The following TXNL4A variants were observed in gnomAD, a reference collection of about 807,000 sequenced individuals.
TXNL4A encodes the protein thioredoxin-like protein 4A.
TXNL4A carries 17 observed loss-of-function variants against 14.6 expected under a neutral mutation model. The observed-to-expected ratio is 1.16, with a 90% confidence interval of 0.80 to 1.74. The LOEUF is 1.74. Ranked by LOEUF, TXNL4A falls within the 40% of genes most tolerant of loss-of-function variation. The pLI is 0.00. For missense variants in TXNL4A, 74 were observed against 195.2 expected (o/e 0.38, Z 3.70); for synonymous variants, 83 against 70.6 (o/e 1.18, Z -0.88).
At chr18:80,004,397 C>T (rs1418122474) in intron 1 of TXNL4A, among the ~76,000 whole-genome samples, 1 of 152,194 alleles carries the variant, frequency 6.6e-6, no homozygotes, top group East Asian at 1.9e-4. Context: ...CCTCTCCCAC[C>T]TTACCTGTGG....
chr18:80,014,674 T>G (rs1265369776), intron 1 of TXNL4A, among the ~76,000 whole-genome samples: 1 of 152,130 alleles, frequency 6.6e-6, no homozygotes, highest in African/African-American at 2.4e-5. Context: ...GTGCAAACTG[T>G]CAGTGGATCT....
At position 80,027,980 on chromosome 18, in the gene TXNL4A, T is replaced by C. The variant is rs547304502; in HGVS notation, c.-61+5871A>G. 3.9e-5 allele frequency among the ~76,000 whole-genome samples: 6 copies of C among 152,306 alleles called. No homozygotes were observed. The South Asian group carries it at 1.0e-3, about 26-fold the overall frequency. ...TATGACTCAAACTCTGTAGGCATAC[T>C]TAAAAAATGAACAAACTGATCCCAT... On this transcript the variant is annotated intron_variant, in intron 1 of 2. Coordinates refer to the TXNL4A transcript ENST00000585474.
chr18:79,973,921 C>A, intron 2 of TXNL4A, 65 bp from the exon 3 acceptor site: 1 of 1,580,266 alleles, frequency 6.3e-7, no homozygotes, highest in Non-Finnish European at 8.6e-7. Context: ...TCCTTGAAAA[C>A]AATGCCGTAT....
At chr18:79,998,251 C>T (rs2051675651) in intron 1 of TXNL4A, among the ~76,000 whole-genome samples, 2 of 151,902 alleles carry the variant, frequency 1.3e-5, no homozygotes, top group Admixed American at 1.3e-4. Flanking sequence ...CGAGATTGCA[C>T]CACTGCACTC....
intron 2 of TXNL4A, 54 bp downstream of exon 2, chr18:79,977,544 T>C: frequency 7.2e-7 from 1 of 1,392,524 alleles, no homozygotes; most frequent in Non-Finnish European, 1.0e-6. Flanking sequence ...TTGATTACAT[T>C]AAGCTTCCAA....
chr18:80,028,843 T>C (rs1335816911), intron 1 of TXNL4A, among the ~76,000 whole-genome samples: 2 of 152,174 alleles, frequency 1.3e-5, no homozygotes, highest in Admixed American at 6.5e-5. Flanking sequence ...CCATAAAAAA[T>C]GTACAACATG....
At chr18:79,975,300 G>C (rs1476504494) in intron 2 of TXNL4A, among the ~76,000 whole-genome samples, 1 of 152,230 alleles carries the variant, frequency 6.6e-6, no homozygotes, top group Non-Finnish European at 1.5e-5. Flanking sequence ...CAAACCTGGT[G>C]GGGGCTCAAG....
At position 79,972,482 on chromosome 18, in the gene TXNL4A, T is replaced by G. The variant is rs1441800003; in HGVS notation, c.*1203A>C. The stretch of plus-strand genomic sequence containing the variant: ...ATAAGGACATTTTCTTTTCTTTTTT[T>G]GAGACGGAGTCTTGCTCTGTTGCCC... On this transcript the variant is annotated 3_prime_UTR_variant, in exon 3 of 3. Coordinates refer to ENST00000269601, the MANE Select transcript of TXNL4A (RefSeq NM_006701.5). The G allele has an allele frequency of 6.6e-6, 1 of 151,368 alleles. No homozygotes were observed. The highest frequency in any genetic ancestry group is 1.9e-4 in the East Asian group (1 of 5,210). The allele number at this position is 151,368 out of a possible 1,614,324, so 9.4% of individuals were successfully genotyped here.
At chr18:79,981,143 C>A (rs2051457419) in intron 1 of TXNL4A, among the ~76,000 whole-genome samples, 1 of 152,184 alleles carries the variant, frequency 6.6e-6, no homozygotes, top group Non-Finnish European at 1.5e-5. Flanking sequence ...CATTATTCTC[C>A]CTTCAATGCC....
At chr18:79,974,759 G>A (rs907188655) in intron 2 of TXNL4A, among the ~76,000 whole-genome samples, 4 of 152,088 alleles carry the variant, frequency 2.6e-5, no homozygotes, top group African/African-American at 9.7e-5. Flanking sequence ...GATTACAAAC[G>A]TGAGCCACTG....
rs150041238 is a variant in TXNL4A at position 80,032,305 on chromosome 18, C to T, written c.-61+1546G>A. Among the ~76,000 whole-genome samples the T allele has an allele frequency of 1.2e-4, 19 of 152,184 alleles. 1 individual carries two copies. The East Asian group carries it at 3.5e-3, about 28-fold the overall frequency. On this transcript the variant is annotated intron_variant, in intron 1 of 2. Coordinates refer to the TXNL4A transcript ENST00000585474. ...GCAGCAACCTGAGGCCAGGAACCCA[C>T]ATTCCTTTTTAAAATGCTTTTCTCC...
In TXNL4A at chr18:79,971,877, A is replaced by G. The variant is rs939397371; in HGVS notation, c.*1808T>C. ...GTTTCACCTGCTCTGGAGAAATAGC[A>G]GGAGTGTAATACTGAGTGTCTGTTA... On this transcript the variant is annotated 3_prime_UTR_variant, in exon 3 of 3. Coordinates refer to ENST00000269601, the MANE Select transcript of TXNL4A (RefSeq NM_006701.5). The G allele has an allele frequency of 6.6e-6, 1 of 152,154 alleles. No homozygotes were observed. The highest frequency in any genetic ancestry group is 6.6e-5 in the Admixed American group (1 of 15,256). The allele number at this position is 152,154 out of a possible 1,614,324, so 9.4% of individuals were successfully genotyped here.
At chr18:79,977,457 T>G in intron 2 of TXNL4A, 141 bp downstream of exon 2, 1 of 671,854 alleles carries the variant, frequency 1.5e-6, no homozygotes, top group South Asian at 1.8e-5. Context: ...TTCACACTGA[T>G]TGCCTGGTGA....
In TXNL4A at chr18:79,981,953, G is replaced by A. The variant is rs200444589; in HGVS notation, c.154-4252C>T. On this transcript the variant is annotated intron_variant, in intron 1 of 2. Transcript: ENST00000269601. ...TCAACACCTCTAAATAGATGTCGCCGATGTTTTAGGTGATGGAATTCAGGC... is the reference window on the plus strand; with the variant it reads ...TCAACACCTCTAAATAGATGTCGCCAATGTTTTAGGTGATGGAATTCAGGC... Among the ~76,000 whole-genome samples the A allele has an allele frequency of 7.5e-5, 5 of 66,256 alleles. No individual in the cohort carries two copies. The South Asian group carries it at 1.5e-3, about 19-fold the overall frequency. 43.5% of individuals were successfully genotyped at this position (66,256 alleles called of 152,430 possible). A position where few individuals can be genotyped will look rare whatever the true frequency, so the allele number is the denominator to read the frequency against.
intron 1 of TXNL4A, among the ~76,000 whole-genome samples, chr18:80,032,210 G>A (rs192552195): frequency 1.3e-5 from 2 of 152,022 alleles, no homozygotes; most frequent in South Asian, 2.1e-4. Flanking sequence ...TCCTCGTGAC[G>A]GAGGACTTGA....
intron 1 of TXNL4A, among the ~76,000 whole-genome samples, chr18:79,998,094 C>T (rs1366282568): frequency 1.3e-5 from 2 of 152,104 alleles, no homozygotes; most frequent in African/African-American, 4.8e-5. Flanking sequence ...GAGATCGAGA[C>T]CATTCTGGCT....
At position 79,971,860 on chromosome 18, in the gene TXNL4A, T is replaced by A. The variant is rs1033086837; in HGVS notation, c.*1825A>T. The A allele has an allele frequency of 1.3e-5, 2 of 152,202 alleles. No individual in the cohort carries two copies. Among genetic ancestry groups the A allele is most frequent in the African/African-American group, 4.8e-5 (2 of 41,446 alleles). The allele number at this position is 152,202 out of a possible 1,614,324, so 9.4% of individuals were successfully genotyped here. ...GTGCTTCCTGGCCGTCTGTTTCACC[T>A]GCTCTGGAGAAATAGCAGGAGTGTA... On this transcript the variant is annotated 3_prime_UTR_variant, in exon 3 of 3. Coordinates refer to ENST00000269601, the MANE Select transcript of TXNL4A (RefSeq NM_006701.5).
In TXNL4A at chr18:80,010,121, C is replaced by T. The variant is rs145794133; in HGVS notation, c.-61+23730G>A. On this transcript the variant is annotated intron_variant, in intron 1 of 2. Transcript: ENST00000585474. Reference sequence around the variant, plus strand: ...CAGTTTTTGTTCTTTGAGATAATAACTGGACTCTTGTTTTACCTTCAAGAA... The same window carrying T: ...CAGTTTTTGTTCTTTGAGATAATAATTGGACTCTTGTTTTACCTTCAAGAA... Among the ~76,000 whole-genome samples the T allele has an allele frequency of 3.9e-4, 60 of 152,288 alleles. No homozygotes were observed. The East Asian group carries it at 0.011, about 27-fold the overall frequency.
intron 1 of TXNL4A, among the ~76,000 whole-genome samples, chr18:80,000,643 A>C (rs893811581): frequency 6.6e-6 from 1 of 152,062 alleles, no homozygotes; most frequent in African/African-American, 2.4e-5. Context: ...TGAGGAGCCA[A>C]ATTTTTTGTT....
Sources: allele counts gnomAD v4.1 joint callset (sites outside exome capture counted in the v4.1 genomes callset), GRCh38; gene constraint gnomAD v4.1.1; transcripts MANE v1.5; gene names NCBI Gene and HGNC (gene_info 2026-07-23, HGNC 2026-07-21).